GPC6: variants seen among roughly 807,000 people sequenced by gnomAD.
GPC6 encodes the protein glypican-6.
Under a neutral mutation model 55.2 loss-of-function variants are expected in GPC6, and 14 were observed. The observed-to-expected ratio is 0.25, with a 90% CI of 0.17 to 0.40. The LOEUF (loss-of-function observed/expected upper bound fraction) is 0.40, where lower values mean the gene tolerates loss of function less well. Among genes scored for constraint, GPC6 ranks in the 10% least tolerant of loss-of-function variants. The pLI, the probability that GPC6 is intolerant of heterozygous loss-of-function variation, is 1.00. For synonymous variants in GPC6, 278 were observed against 259.6 expected, an observed-to-expected ratio of 1.07 and a Z score of -0.68; for missense variants, 641 against 708.5, an observed-to-expected ratio of 0.90 and a Z score of 1.08.
intron 5 of GPC6, among the ~76,000 whole-genome samples, chr13:94,303,065 G>A (rs920622958): frequency 1.3e-5 from 2 of 152,378 alleles, no homozygotes; most frequent in East Asian, 1.9e-4. Context: ...TCAGCAGTGG[G>A]TCTGCAACGG....
intron 2 of GPC6, among the ~76,000 whole-genome samples, chr13:93,802,591 A>G (rs1007587299): frequency 2.6e-5 from 4 of 152,008 alleles, no homozygotes; most frequent in African/African-American, 9.7e-5. Context: ...TTTTGTAGAG[A>G]CAGGGGTCTC....
At chr13:93,406,243 A>C (rs1434391478) in intron 1 of GPC6, among the ~76,000 whole-genome samples, 1 of 152,216 alleles carries the variant, frequency 6.6e-6, no homozygotes, top group Non-Finnish European at 1.5e-5. Flanking sequence ...ACGATCAGTT[A>C]AAACACTTCT....
At chr13:93,235,464 C>T (rs1364666040) in intron 1 of GPC6, among the ~76,000 whole-genome samples, 1 of 151,902 alleles carries the variant, frequency 6.6e-6, no homozygotes. Flanking sequence ...CAAGCAGTAT[C>T]ACAGGATGGA....
At chr13:93,860,271 TA>T (rs1212232370) in intron 3 of GPC6, among the ~76,000 whole-genome samples, 3 of 151,618 alleles carry the variant, frequency 2.0e-5, no homozygotes, top group Non-Finnish European at 4.4e-5. Flanking sequence ...ATACTTCTCA[TA>T]GACCCTTAAA....
chr13:93,940,193 A>C (rs1878661789), intron 3 of GPC6, among the ~76,000 whole-genome samples: 1 of 152,038 alleles, frequency 6.6e-6, no homozygotes, highest in Non-Finnish European at 1.5e-5. Flanking sequence ...TAGTTTCTTG[A>C]CTTTGTTCCT....
At chr13:93,568,767 A>G (rs1307318987) in intron 2 of GPC6, among the ~76,000 whole-genome samples, 2 of 152,206 alleles carry the variant, frequency 1.3e-5, no homozygotes, top group African/African-American at 2.4e-5. Flanking sequence ...ATCCAGTTTA[A>G]TCATATACTA....
chr13:93,527,698 C>T (rs763807817), intron 1 of GPC6, among the ~76,000 whole-genome samples: 1 of 152,074 alleles, frequency 6.6e-6, no homozygotes, highest in African/African-American at 2.4e-5. Flanking sequence ...GGGAAAAGGG[C>T]TGTCTCCTTT....
chr13:93,560,577 C>T (rs912689505), intron 2 of GPC6, among the ~76,000 whole-genome samples: 43 of 151,192 alleles, frequency 2.8e-4, no homozygotes, highest in African/African-American at 9.0e-4. Context: ...ATACCTTGGC[C>T]GGGAGCGGTG....
intron 3 of GPC6, among the ~76,000 whole-genome samples, chr13:93,999,528 A>T (rs1407122388): frequency 6.6e-6 from 1 of 152,178 alleles, no homozygotes; most frequent in African/African-American, 2.4e-5. Context: ...GATTTCATAC[A>T]TAAGTGAGAT....
At chr13:93,835,305 A>G (rs1887690833) in intron 3 of GPC6, among the ~76,000 whole-genome samples, 1 of 152,048 alleles carries the variant, frequency 6.6e-6, no homozygotes, top group Non-Finnish European at 1.5e-5. Flanking sequence ...AAATACAAAA[A>G]TTAGCCAGTC....
chr13:93,523,173 A>G (rs1353901535), intron 1 of GPC6, among the ~76,000 whole-genome samples: 3 of 135,420 alleles, frequency 2.2e-5, no homozygotes, highest in Non-Finnish European at 4.8e-5. Context: ...ACATATATAC[A>G]CATACATATA....
chr13:93,963,083 C>A (rs1213644095), intron 3 of GPC6, among the ~76,000 whole-genome samples: 1 of 152,042 alleles, frequency 6.6e-6, no homozygotes, highest in Non-Finnish European at 1.5e-5. Flanking sequence ...ATATTCTTTA[C>A]TTTCTGCTTA....
chr13:93,622,226 G>C (rs1220127958), intron 2 of GPC6, among the ~76,000 whole-genome samples: 1 of 152,268 alleles, frequency 6.6e-6, no homozygotes, highest in Non-Finnish European at 1.5e-5. Flanking sequence ...AGTTGCTAAT[G>C]CTCATTGAGA....
chr13:93,779,246 T>G lies in GPC6; in HGVS notation c.320-50908T>G, dbSNP rs530202622. The stretch of plus-strand genomic sequence containing the variant: ...GTATTGCGGCTACCAGTGGAGGAGC[T>G]GAATACACTGGACTGAATTCACTGG... On this transcript the variant is annotated intron_variant, in intron 2 of 8. Coordinates refer to ENST00000377047, the MANE Select transcript of GPC6 (RefSeq NM_005708.5). Among the ~76,000 whole-genome samples the G allele has an allele frequency of 3.9e-5, 6 of 152,310 alleles. No individual in the cohort carries two copies. In the East Asian group the frequency reaches 1.2e-3, roughly 29 times the overall value.
At chr13:93,792,118 G>T (rs12428875) in intron 2 of GPC6, among the ~76,000 whole-genome samples, 4,363 of 152,256 alleles carry the variant, frequency 0.029, 195 homozygotes, top group East Asian at 0.16. Context: ...AAATGCTATT[G>T]AACCTGCTTC....
At chr13:94,227,806 G>A (rs566102354) in intron 4 of GPC6, among the ~76,000 whole-genome samples, 5 of 152,012 alleles carry the variant, frequency 3.3e-5, no homozygotes, top group South Asian at 2.1e-4. Flanking sequence ...GGCTGATGAC[G>A]TAGACACCAT....
chr13:93,461,874 A>G (rs1028695007), intron 1 of GPC6, among the ~76,000 whole-genome samples: 3 of 152,168 alleles, frequency 2.0e-5, no homozygotes, highest in Non-Finnish European at 2.9e-5. Flanking sequence ...TCATTCTTAC[A>G]TTCCCAAGGC....
intron 4 of GPC6, among the ~76,000 whole-genome samples, chr13:94,096,319 C>CT (rs775680383): frequency 1.6e-3 from 220 of 138,450 alleles, no homozygotes; most frequent in African/African-American, 2.6e-3. Flanking sequence ...TTTCAGGACG[C>CT]TTTTTTTTTT....
intron 3 of GPC6, among the ~76,000 whole-genome samples, chr13:93,853,790 C>G (rs1417623231): frequency 6.6e-6 from 1 of 151,586 alleles, no homozygotes; most frequent in African/African-American, 2.4e-5. Context: ...AAGACAAGTT[C>G]ATTTTTATAA....
Sources: allele counts gnomAD v4.1 joint callset (sites outside exome capture counted in the v4.1 genomes callset), GRCh38; gene constraint gnomAD v4.1.1; transcripts MANE v1.5; gene names NCBI Gene and HGNC (gene_info 2026-07-23, HGNC 2026-07-21).